The following NKAIN3 variants were observed in gnomAD, a reference collection of about 807,000 sequenced individuals.
NKAIN3 encodes the protein sodium/potassium-transporting ATPase subunit beta-1-interacting protein 3.
NKAIN3 carries 25 observed loss-of-function variants against 30.2 expected under a neutral mutation model. That is an observed-to-expected ratio of 0.83 (90% confidence interval 0.60 to 1.16). The LOEUF is 1.16. Among genes scored for constraint, NKAIN3 ranks in the 50% most tolerant of loss-of-function variants. The pLI is 0.00. For synonymous variants in NKAIN3, 91 were observed against 89.6 expected (o/e 1.02, Z -0.09); for missense variants, 225 against 254.1 (o/e 0.89, Z 0.78).
At chr8:62,903,299 T>C (rs1015752750) in intron 4 of NKAIN3, among the ~76,000 whole-genome samples, 11 of 152,168 alleles carry the variant, frequency 7.2e-5, no homozygotes, top group East Asian at 1.9e-4. Context: ...GACACTTCCA[T>C]AGAAGATGCA....
At chr8:62,815,122 G>A (rs1306928343) in intron 4 of NKAIN3, among the ~76,000 whole-genome samples, 3 of 152,102 alleles carry the variant, frequency 2.0e-5, no homozygotes, top group Non-Finnish European at 2.9e-5. Flanking sequence ...AAATCTAGAA[G>A]AAATGGATAA....
chr8:62,670,146 T>C (rs1813255404), intron 3 of NKAIN3, among the ~76,000 whole-genome samples: 1 of 152,160 alleles, frequency 6.6e-6, no homozygotes, highest in African/African-American at 2.4e-5. Flanking sequence ...TGAATACTTA[T>C]TATAAAAAAC....
At chr8:62,631,398 C>T (rs954028210) in intron 3 of NKAIN3, among the ~76,000 whole-genome samples, 3 of 152,154 alleles carry the variant, frequency 2.0e-5, no homozygotes, top group African/African-American at 7.2e-5. Context: ...AATCCAGAAA[C>T]ATGAAAAATC....
intron 4 of NKAIN3, among the ~76,000 whole-genome samples, chr8:62,887,407 TATTA>T (rs1373029210): frequency 2.0e-5 from 3 of 152,092 alleles, no homozygotes; most frequent in Non-Finnish European, 4.4e-5. Context: ...TGATATCTGA[TATTA>T]ATTTAAGAAA....
At chr8:62,389,336 G>T (rs1486929004) in intron 1 of NKAIN3, among the ~76,000 whole-genome samples, 1 of 152,172 alleles carries the variant, frequency 6.6e-6, no homozygotes, top group Non-Finnish European at 1.5e-5. Flanking sequence ...TTTGTGGCGA[G>T]AAAATTTAAA....
intron 1 of NKAIN3, among the ~76,000 whole-genome samples, chr8:62,416,258 G>A (rs1489269005): frequency 6.6e-6 from 1 of 152,110 alleles, no homozygotes; most frequent in Non-Finnish European, 1.5e-5. Flanking sequence ...CAGTCAATAT[G>A]TTTCTTCCTC....
chr8:62,613,110 G>A (rs964435643), intron 3 of NKAIN3, among the ~76,000 whole-genome samples: 1 of 152,106 alleles, frequency 6.6e-6, no homozygotes, highest in East Asian at 1.9e-4. Flanking sequence ...ATTATTACCA[G>A]TGAGTTTTGT....
chr8:62,988,394 T>G (rs181029277), downstream of NKAIN3, among the ~76,000 whole-genome samples: 1 of 152,356 alleles, frequency 6.6e-6, no homozygotes, highest in Non-Finnish European at 1.5e-5. Context: ...CCATGAGGGC[T>G]CCGCACCTGC....
At chr8:62,290,768 A>G (rs1038079257) in intron 1 of NKAIN3, among the ~76,000 whole-genome samples, 3 of 152,108 alleles carry the variant, frequency 2.0e-5, no homozygotes, top group Non-Finnish European at 2.9e-5. Context: ...TGAATTAGGG[A>G]TGATTCTGCT....
At chr8:62,588,594 A>T (rs1484439913) in intron 2 of NKAIN3, among the ~76,000 whole-genome samples, 1 of 151,868 alleles carries the variant, frequency 6.6e-6, no homozygotes, top group Non-Finnish European at 1.5e-5. Flanking sequence ...TTCTATTAGT[A>T]ACATACCTAT....
rs938187668 is a variant in NKAIN3, at chr8:62,740,884, G to C, written c.274-6048G>C. ...TTTTAGGGAAAAGGTAGATACCATGGAATACATTTCTTTTAAGTCATAACT... is the reference window on the plus strand; with the variant it reads ...TTTTAGGGAAAAGGTAGATACCATGCAATACATTTCTTTTAAGTCATAACT... On this transcript the variant is annotated intron_variant, in intron 3 of 6. Coordinates refer to ENST00000623646, the MANE Select transcript of NKAIN3 (RefSeq NM_001304533.3). Among the ~76,000 whole-genome samples the C allele has an allele frequency of 2.0e-5, 3 of 151,904 alleles. No individual in the cohort carries two copies. The East Asian group carries it at 5.8e-4, about 29-fold the overall frequency.
chr8:62,849,081 T>A (rs1356863923), intron 4 of NKAIN3, among the ~76,000 whole-genome samples: 3 of 152,134 alleles, frequency 2.0e-5, no homozygotes, highest in Non-Finnish European at 2.9e-5. Flanking sequence ...TTGTTGAGGA[T>A]TTTTGCATCG....
At chr8:62,832,274 C>T (rs1249202672) in intron 4 of NKAIN3, among the ~76,000 whole-genome samples, 1 of 146,750 alleles carries the variant, frequency 6.8e-6, no homozygotes, top group African/African-American at 2.7e-5. Context: ...CACACACACA[C>T]ACACACACAC....
chr8:62,686,585 T>A (rs11994250), intron 3 of NKAIN3, among the ~76,000 whole-genome samples: 12,609 of 152,172 alleles, frequency 0.083, 1,254 homozygotes, highest in African/African-American at 0.24. Context: ...GGGTTTTTTT[T>A]AAACATTTAA....
chr8:62,638,163 C>T (rs1253656510), intron 3 of NKAIN3, among the ~76,000 whole-genome samples: 1 of 152,062 alleles, frequency 6.6e-6, no homozygotes, highest in Non-Finnish European at 1.5e-5. Flanking sequence ...ATGATTGGCT[C>T]ATGCTAATAA....
chr8:62,655,955 A>G (rs1363509632), intron 3 of NKAIN3, among the ~76,000 whole-genome samples: 1 of 152,138 alleles, frequency 6.6e-6, no homozygotes, highest in Admixed American at 6.6e-5. Context: ...TGTGTTAGAA[A>G]TAAAATTAGC....
At chr8:62,574,636 TG>T (rs1160999421) in intron 1 of NKAIN3, among the ~76,000 whole-genome samples, 1 of 152,184 alleles carries the variant, frequency 6.6e-6, no homozygotes, top group Admixed American at 6.5e-5. Context: ...TTCTCCATAG[TG>T]GTTGTAATGA....
intron 1 of NKAIN3, among the ~76,000 whole-genome samples, chr8:62,426,057 AATTT>A (rs1158291581): frequency 6.6e-6 from 1 of 151,904 alleles, no homozygotes; most frequent in Non-Finnish European, 1.5e-5. Flanking sequence ...ACTCTTCAAA[AATTT>A]ATTTATATTA....
chr8:62,472,918 T>C (rs1416074919), intron 1 of NKAIN3, among the ~76,000 whole-genome samples: 6 of 152,166 alleles, frequency 3.9e-5, no homozygotes, highest in Non-Finnish European at 1.5e-5. Context: ...GAGTTTCTGC[T>C]GCATGAGCTG....
Sources: gnomAD v4.1 joint callset for allele counts (sites outside exome capture counted in the v4.1 genomes callset) on GRCh38, gnomAD v4.1.1 for gene constraint, MANE v1.5 for transcripts, NCBI Gene and HGNC (gene_info 2026-07-23, HGNC 2026-07-21) for gene names.